The following FLOT1 variants were observed in gnomAD, a reference collection of about 807,000 sequenced individuals.
FLOT1 encodes flotillin-1.
Under a neutral mutation model 58.4 loss-of-function variants are expected in FLOT1, and 40 were observed. The ratio of observed to expected loss-of-function variants is 0.69; its 90% CI spans 0.53 to 0.89. The LOEUF (loss-of-function observed/expected upper bound fraction) is 0.89, where lower values mean the gene tolerates loss of function less well. Among genes scored for constraint, FLOT1 ranks in the 40% least tolerant of loss-of-function variants. The pLI is 0.00. For missense variants in FLOT1, 423 were observed against 540.8 expected (o/e 0.78, Z 2.16); for synonymous variants, 178 against 204.2 (o/e 0.87, Z 1.09).
intron 12 of FLOT1, among the ~76,000 whole-genome samples, chr6:30,729,709 A>G (rs552188449): frequency 7.2e-5 from 11 of 152,322 alleles, no homozygotes; most frequent in African/African-American, 2.4e-4. Flanking sequence ...CTAGTTCCCT[A>G]TACTAGTGGG....
rs73727468 is a variant in FLOT1, at chr6:30,740,920, G to A, written c.355-122C>T. The A allele has an allele frequency of 1.6e-3, 2,272 of 1,382,152 alleles. 30 individuals are homozygous for A. The African/African-American group carries it at 0.028, about 17-fold the overall frequency. The allele number at this position is 1,382,152 out of a possible 1,614,324, so 85.6% of individuals were successfully genotyped here. On this transcript the variant is annotated intron_variant, in intron 5 of 12. Coordinates refer to ENST00000376389, the MANE Select transcript of FLOT1 (RefSeq NM_005803.4). ...TCCTGCCTCAGCCTCCCAAGTAGCT[G>A]GGATTACCGACACCCATCACCATAC...
At chr6:30,733,214 T>A (rs1220929084) in intron 8 of FLOT1, among the ~76,000 whole-genome samples, 1 of 151,992 alleles carries the variant, frequency 6.6e-6, no homozygotes, top group African/African-American at 2.4e-5. Context: ...TTTTGTGTTT[T>A]TAATAGAGAT....
intron 8 of FLOT1, among the ~76,000 whole-genome samples, chr6:30,734,807 C>T (rs1354424900): frequency 6.6e-6 from 1 of 152,028 alleles, no homozygotes. Context: ...GCAACCTCTG[C>T]CTCCCGGATT....
intron 8 of FLOT1, among the ~76,000 whole-genome samples, chr6:30,736,150 G>A (rs1037738888): frequency 6.6e-6 from 1 of 152,108 alleles, no homozygotes; most frequent in Non-Finnish European, 1.5e-5. Context: ...TACTCAGGAA[G>A]CTGAGGTGGG....
chr6:30,736,578 A>C (rs1777580371), intron 8 of FLOT1, among the ~76,000 whole-genome samples: 1 of 150,658 alleles, frequency 6.6e-6, no homozygotes, highest in Admixed American at 6.6e-5. Flanking sequence ...TCATCTCTGA[A>C]AAAGAGCCCA....
At chr6:30,729,103 C>G (rs1450305080) in intron 12 of FLOT1, among the ~76,000 whole-genome samples, 2 of 147,102 alleles carry the variant, frequency 1.4e-5, no homozygotes, top group Non-Finnish European at 3.0e-5. Flanking sequence ...GAGATAGAGT[C>G]TTATTCTGTC....
intron 8 of FLOT1, among the ~76,000 whole-genome samples, chr6:30,739,262 G>C (rs575703825): frequency 2.6e-5 from 4 of 152,182 alleles, no homozygotes; most frequent in Non-Finnish European, 5.9e-5. Context: ...GGCATGGGCC[G>C]GATCTGAGCT....
At chr6:30,729,740 CAG>C (rs1777015110) in intron 12 of FLOT1, among the ~76,000 whole-genome samples, 1 of 152,190 alleles carries the variant, frequency 6.6e-6, no homozygotes, top group Non-Finnish European at 1.5e-5. Flanking sequence ...GCACAGGTTG[CAG>C]AGACAGTCGA....
In FLOT1 at chr6:30,737,467, A is replaced by G. The variant is rs1273065475; in HGVS notation, c.723+2691T>C. On this transcript the variant is annotated intron_variant, in intron 8 of 12. Coordinates refer to ENST00000376389, the MANE Select transcript of FLOT1 (RefSeq NM_005803.4). The surrounding 1 kb of genome is among the most constrained non-coding windows in gnomAD (Gnocchi z 4.4). ...TAGAGACAGGGTTTCACTGTTGGCC[A>G]GACTGGTCTCAAACTCCCGGCCTCA... 6.6e-6 allele frequency among the ~76,000 whole-genome samples: 1 copy of G among 152,136 alleles called. No individual in the cohort carries two copies. The highest frequency in any genetic ancestry group is 1.5e-5 in the Non-Finnish European group (1 of 68,008).
chr6:30,740,967 A>C (rs1473169739), intron 5 of FLOT1, 169 bp from the exon 6 acceptor site: 1 of 1,150,114 alleles, frequency 8.7e-7, no homozygotes, highest in Non-Finnish European at 1.2e-6. Flanking sequence ...TTGTATTTGT[A>C]GTAGAGAAGG....
chr6:30,739,767 A>G (rs751673084), intron 8 of FLOT1, among the ~76,000 whole-genome samples: 6 of 151,956 alleles, frequency 3.9e-5, no homozygotes, highest in Non-Finnish European at 5.9e-5. Flanking sequence ...GGCTCAAGCA[A>G]TCCTCCTGCC....
At chr6:30,731,253 G>A (rs1299480520) in intron 8 of FLOT1, among the ~76,000 whole-genome samples, 153 bp from the exon 9 acceptor site, 2 of 152,176 alleles carry the variant, frequency 1.3e-5, no homozygotes, top group Non-Finnish European at 2.9e-5. Flanking sequence ...GGGAGGCCAA[G>A]GAGGGTGGAT....
chr6:30,728,938 C>T (rs914953728), intron 12 of FLOT1, among the ~76,000 whole-genome samples: 8 of 152,076 alleles, frequency 5.3e-5, no homozygotes, highest in Admixed American at 6.5e-5. Flanking sequence ...CACACCGCCA[C>T]GCCCGGCTGT....
chr6:30,738,129 T>C (rs778902074), intron 8 of FLOT1, among the ~76,000 whole-genome samples: 9 of 152,168 alleles, frequency 5.9e-5, no homozygotes, highest in East Asian at 1.9e-4. Context: ...CAAACTCCAA[T>C]GTGCATACAA....
intron 12 of FLOT1, among the ~76,000 whole-genome samples, chr6:30,729,424 A>G (rs571122113): frequency 2.6e-5 from 4 of 152,298 alleles, no homozygotes; most frequent in African/African-American, 9.6e-5. Flanking sequence ...ACCAGGCACT[A>G]TTCTAAACAC....
chr6:30,737,865 TTATAGCCTCACCTCCAAAA>T lies in FLOT1; in HGVS notation c.723+2274_723+2292del. Among the ~76,000 whole-genome samples the T allele has an allele frequency of 6.6e-6, 1 of 152,194 alleles. No homozygotes were observed. The highest frequency in any genetic ancestry group is 2.1e-4 in the South Asian group (1 of 4,826). On this transcript the variant is annotated intron_variant, in intron 8 of 12. Transcript: ENST00000376389. The surrounding 1 kb of genome is among the most constrained non-coding windows in gnomAD (Gnocchi z 4.4). ...AATCTTTTCTGCCTCACCTCCATAT[TTATAGCCTCACCTCCAAAA>T]TGGTGTCTAGCACATAGAAGGCACT...
In FLOT1 at chr6:30,742,279, T is replaced by C. The variant is rs1778056524; in HGVS notation, c.-14-76A>G. On this transcript the variant is annotated intron_variant, in intron 1 of 12. Coordinates refer to ENST00000376389, the MANE Select transcript of FLOT1 (RefSeq NM_005803.4). This position sits in a 1 kb window ranked among gnomAD's most constrained non-coding sequence, Gnocchi z 5.2. Reference sequence around the variant, plus strand: ...CGTCCACAGGGGCCCATCCTTTCCCTTTCCCGTCAGGCCCTCCCAGTCTGC... The same window carrying C: ...CGTCCACAGGGGCCCATCCTTTCCCCTTCCCGTCAGGCCCTCCCAGTCTGC... 7.7e-7 allele frequency: 1 copy of C among 1,306,124 alleles called. No homozygotes were observed. The highest frequency in any genetic ancestry group is 1.5e-5 in the African/African-American group (1 of 68,920). 80.9% of individuals were successfully genotyped at this position (1,306,124 alleles called of 1,614,324 possible).
chr6:30,728,947 G>A (rs1467206775), intron 12 of FLOT1, among the ~76,000 whole-genome samples: 1 of 151,458 alleles, frequency 6.6e-6, no homozygotes, highest in Non-Finnish European at 1.5e-5. Flanking sequence ...ACGCCCGGCT[G>A]TTTTGTATTT....
chr6:30,740,245 T>G lies in FLOT1; in HGVS notation c.636A>C (p.Ala212=). ...QYLSEIEMAK[A]QRDYELKKAA... ...CCTTCTTCAGTTCGTAATCTCTCTG[T>G]GCCTTGGCCATCTCGATCTCACTCA... Residue 212 remains alanine (A), a synonymous_variant, in exon 8 of 13, where the codon GCA becomes GCC. Coordinates refer to ENST00000376389, the MANE Select transcript of FLOT1 (RefSeq NM_005803.4). 6.2e-7 allele frequency: 1 copy of G among 1,613,048 alleles called. No individual in the cohort carries two copies. Among genetic ancestry groups the G allele is most frequent in the African/African-American group, 1.3e-5 (1 of 75,044 alleles).
Sources: allele counts gnomAD v4.1 joint callset (sites outside exome capture counted in the v4.1 genomes callset), GRCh38; gene constraint gnomAD v4.1.1; non-coding constraint Gnocchi (gnomAD v3.1); transcripts MANE v1.5; gene names NCBI Gene and HGNC (gene_info 2026-07-23, HGNC 2026-07-21).